The following DCC variants were observed in gnomAD, a reference collection of about 807,000 sequenced individuals.
DCC encodes the protein DCC netrin 1 receptor.
A neutral mutation model predicts 172.5 loss-of-function variants in DCC; 58 were observed. The ratio of observed to expected loss-of-function variants is 0.34; its 90% CI spans 0.27 to 0.42. DCC has a LOEUF of 0.42. DCC is among the 10% of genes least tolerant of loss of function. The pLI, the probability that DCC is intolerant of heterozygous loss-of-function variation, is 1.00. For missense variants in DCC, 1,740 were observed against 1,791.0 expected, an observed-to-expected ratio of 0.97 and a Z score of 0.51; for synonymous variants, 709 against 644.5, an observed-to-expected ratio of 1.10 and a Z score of -1.52.
At chr18:52,655,954 ATATGTG>A (rs1317532817) in intron 1 of DCC, among the ~76,000 whole-genome samples, 12 of 91,514 alleles carry the variant, frequency 1.3e-4, no homozygotes, top group African/African-American at 3.9e-4. Context: ...CATTAAATAT[ATATGTG>A]TGTGTGTGTG....
chr18:52,834,167 T>C (rs2145301675), intron 2 of DCC, among the ~76,000 whole-genome samples: 1 of 151,864 alleles, frequency 6.6e-6, no homozygotes, highest in African/African-American at 2.4e-5. Flanking sequence ...CATGCCTTCT[T>C]CTCTTTATAG....
chr18:52,650,163 G>A (rs960002566), intron 1 of DCC, among the ~76,000 whole-genome samples: 6 of 151,984 alleles, frequency 3.9e-5, no homozygotes, highest in Non-Finnish European at 7.4e-5. Flanking sequence ...GTTTTGAGTA[G>A]AGATGGGGTT....
Position 53,199,279 on chromosome 18 carries a change from T to C in DCC, c.1574-5937T>C, listed in dbSNP as rs762147589. Among the ~76,000 whole-genome samples, 17 of 151,904 alleles carry C rather than the reference T, an allele frequency of 1.1e-4. 1 individual carries two copies. Among genetic ancestry groups the C allele is most frequent in the Non-Finnish European group, 2.4e-4 (16 of 67,966 alleles). ...CTAATTTTTGTATTCTTAGTAGAGATGGAGTATCATCTTGTTGGCCAGGCT... is the reference window on the plus strand; with the variant it reads ...CTAATTTTTGTATTCTTAGTAGAGACGGAGTATCATCTTGTTGGCCAGGCT... On this transcript the variant is annotated intron_variant, in intron 9 of 28. Transcript: ENST00000442544.
At chr18:53,068,215 G>A (rs1293900505) in intron 7 of DCC, among the ~76,000 whole-genome samples, 1 of 152,034 alleles carries the variant, frequency 6.6e-6, no homozygotes, top group Non-Finnish European at 1.5e-5. Flanking sequence ...AGGAGAAAAG[G>A]AACCTTTAAA....
intron 5 of DCC, among the ~76,000 whole-genome samples, chr18:52,989,009 A>C (rs1157425672): frequency 6.6e-6 from 1 of 151,402 alleles, no homozygotes; most frequent in Non-Finnish European, 1.5e-5. Context: ...TTTTCAAAAG[A>C]TACATAACAG....
intron 2 of DCC, among the ~76,000 whole-genome samples, chr18:52,781,953 T>C (rs2037553194): frequency 6.6e-6 from 1 of 152,168 alleles, no homozygotes; most frequent in Non-Finnish European, 1.5e-5. Flanking sequence ...CTTTCTTCAT[T>C]ACTGATTGAA....
chr18:53,273,499 A>G (rs2056771729), intron 12 of DCC, among the ~76,000 whole-genome samples: 1 of 152,158 alleles, frequency 6.6e-6, no homozygotes, highest in Non-Finnish European at 1.5e-5. Context: ...AATCCTTTGA[A>G]AAAACAAATT....
intron 15 of DCC, among the ~76,000 whole-genome samples, chr18:53,384,377 A>C (rs2144990139): frequency 6.6e-6 from 1 of 152,166 alleles, no homozygotes; most frequent in East Asian, 1.9e-4. Context: ...CTAAAACATT[A>C]TTTTAAATCA....
chr18:53,104,655 A>G (rs2043219401), intron 7 of DCC, among the ~76,000 whole-genome samples: 1 of 152,100 alleles, frequency 6.6e-6, no homozygotes, highest in African/African-American at 2.4e-5. Context: ...AGTTTTACAA[A>G]TAGGCAATGA....
chr18:53,038,877 C>G (rs2042129556), intron 5 of DCC, among the ~76,000 whole-genome samples: 1 of 151,434 alleles, frequency 6.6e-6, no homozygotes, highest in East Asian at 2.0e-4. Flanking sequence ...CAGGACTATT[C>G]CTTGGATTAG....
At chr18:52,720,507 C>G (rs894922147) in intron 1 of DCC, among the ~76,000 whole-genome samples, 3 of 152,128 alleles carry the variant, frequency 2.0e-5, no homozygotes, top group African/African-American at 7.2e-5. Context: ...TCTCTCAGAC[C>G]TAGAAATACT....
At chr18:53,129,986 C>T (rs905871489) in intron 7 of DCC, among the ~76,000 whole-genome samples, 2 of 152,036 alleles carry the variant, frequency 1.3e-5, no homozygotes, top group African/African-American at 4.8e-5. Context: ...GATGAGAAGC[C>T]TATTCATCTT....
At chr18:52,471,716 C>T (rs972228671) in intron 1 of DCC, among the ~76,000 whole-genome samples, 1 of 152,180 alleles carries the variant, frequency 6.6e-6, no homozygotes, top group Non-Finnish European at 1.5e-5. Flanking sequence ...AGCTTCCGCT[C>T]ACAGGTACTT....
chr18:52,808,516 A>G (rs1416899968), intron 2 of DCC, among the ~76,000 whole-genome samples: 1 of 152,188 alleles, frequency 6.6e-6, no homozygotes, highest in Non-Finnish European at 1.5e-5. Flanking sequence ...TTATAAATGT[A>G]AAATGGATCA....
intron 5 of DCC, among the ~76,000 whole-genome samples, chr18:52,942,696 C>A (rs936650364): frequency 6.6e-6 from 1 of 152,142 alleles, no homozygotes; most frequent in African/African-American, 2.4e-5. Flanking sequence ...ATGGGGGAAC[C>A]TCCTCCATGA....
At chr18:53,267,211 C>G (rs940319011) in intron 12 of DCC, among the ~76,000 whole-genome samples, 1 of 151,790 alleles carries the variant, frequency 6.6e-6, no homozygotes, top group African/African-American at 2.4e-5. Context: ...GACACAGACA[C>G]AGTCTTGCTC....
At chr18:52,469,986 T>C (rs1397154648) in intron 1 of DCC, among the ~76,000 whole-genome samples, 1 of 152,232 alleles carries the variant, frequency 6.6e-6, no homozygotes, top group Admixed American at 6.5e-5. Flanking sequence ...CAGAAGTGCC[T>C]AGGAAGCAGA....
At position 52,894,803 on chromosome 18, in the gene DCC, T is replaced by C. The variant is rs142479087; in HGVS notation, c.413-11241T>C. On this transcript the variant is annotated intron_variant, in intron 2 of 28. Coordinates refer to ENST00000442544, the MANE Select transcript of DCC (RefSeq NM_005215.4). ...TCTTTTATTCTGCTTCTTGTTCTAT[T>C]TGGGCCTTTAACGGATTGGATAAAG... Among the ~76,000 whole-genome samples, 80 of 152,284 alleles carry C rather than the reference T, an allele frequency of 5.3e-4. 1 individual carries two copies. In the East Asian group the frequency reaches 0.014, roughly 27 times the overall value.
chr18:53,170,127 T>A (rs2054990000), intron 8 of DCC, among the ~76,000 whole-genome samples: 1 of 152,208 alleles, frequency 6.6e-6, no homozygotes, highest in African/African-American at 2.4e-5. Flanking sequence ...CTCAATATGC[T>A]TTTGTATAAT....
Sources: allele counts gnomAD v4.1 joint callset (sites outside exome capture counted in the v4.1 genomes callset), GRCh38; gene constraint gnomAD v4.1.1; transcripts MANE v1.5; gene names NCBI Gene and HGNC (gene_info 2026-07-23, HGNC 2026-07-21).